TEX9: variants seen among roughly 807,000 people sequenced by gnomAD.
TEX9 encodes the protein testis expressed 9, also known as testis-expressed protein 9.
TEX9 carries 74 observed loss-of-function variants against 59.6 expected under a neutral mutation model. That is an observed-to-expected ratio of 1.24 (90% confidence interval 1.03 to 1.51). The LOEUF (loss-of-function observed/expected upper bound fraction) is 1.51. Among genes scored for constraint, TEX9 ranks in the 40% most tolerant of loss-of-function variants. The probability of loss-of-function intolerance (pLI) is 0.00; values close to 1 mark genes in which losing one functional copy is unlikely to be tolerated. For synonymous variants in TEX9, 186 were observed against 152.2 expected (o/e 1.22, Z -1.64); for missense variants, 522 against 447.8 (o/e 1.17, Z -1.49).
At chr15:56,267,347 C>G (rs2044411265) in intron 1 of TEX9, among the ~76,000 whole-genome samples, 2 of 152,162 alleles carry the variant, frequency 1.3e-5, no homozygotes, top group Non-Finnish European at 2.9e-5. Context: ...TCCCATTTGT[C>G]TATTTTGGAT....
exon 6 of TEX9, chr15:56,389,332 C>T: frequency 6.2e-7 from 1 of 1,610,804 alleles, no homozygotes; most frequent in South Asian, 1.1e-5. Flanking sequence ...AGACCAAAAA[C>T]ATTGATCCTG....
chr15:56,254,641 A>G (rs1395158522), intron 1 of TEX9, among the ~76,000 whole-genome samples: 2 of 151,910 alleles, frequency 1.3e-5, no homozygotes, highest in Non-Finnish European at 2.9e-5. Context: ...GAATAATCCA[A>G]TACAAGAATA....
At chr15:56,251,203 C>A (rs1375086317) in intron 1 of TEX9, among the ~76,000 whole-genome samples, 1 of 152,120 alleles carries the variant, frequency 6.6e-6, no homozygotes, top group African/African-American at 2.4e-5. Context: ...TGAAGTTATG[C>A]CAGTGTTATA....
intron 1 of TEX9, among the ~76,000 whole-genome samples, chr15:56,285,274 G>A (rs532714959): frequency 6.6e-6 from 1 of 152,144 alleles, no homozygotes; most frequent in South Asian, 2.1e-4. Context: ...ATAGAATTCC[G>A]GTTGGCAATT....
intron 1 of TEX9, among the ~76,000 whole-genome samples, chr15:56,312,404 C>A (rs1217224541): frequency 8.3e-5 from 12 of 144,360 alleles, no homozygotes; most frequent in Non-Finnish European, 1.5e-4. Context: ...AATAGGGAAT[C>A]CTTTCCCCAT....
intron 3 of TEX9, 100 bp downstream of exon 3, chr15:56,373,604 G>A (rs780290864): frequency 9.3e-5 from 85 of 912,664 alleles, no homozygotes; most frequent in Non-Finnish European, 1.2e-4. Context: ...GCCAAAGCAT[G>A]TGTGTTCAGT....
chr15:56,433,115 C>A (rs2050642197), intron 12 of TEX9, among the ~76,000 whole-genome samples: 1 of 152,024 alleles, frequency 6.6e-6, no homozygotes. Context: ...TTTGGGTGGA[C>A]AAAATAGAAT....
intron 1 of TEX9, among the ~76,000 whole-genome samples, chr15:56,340,143 T>C (rs372519012): frequency 1.5e-4 from 23 of 152,286 alleles, no homozygotes; most frequent in African/African-American, 4.3e-4. Context: ...TTTACAATCT[T>C]CCAAGGATGG....
chr15:56,288,510 C>T (rs1007814112), intron 1 of TEX9, among the ~76,000 whole-genome samples: 21 of 152,196 alleles, frequency 1.4e-4, no homozygotes, highest in African/African-American at 4.6e-4. Flanking sequence ...CTACCAGATA[C>T]AGGATTTTTG....
chr15:56,398,734 G>A (rs1359762066), intron 9 of TEX9, among the ~76,000 whole-genome samples: 1 of 152,190 alleles, frequency 6.6e-6, no homozygotes, highest in Non-Finnish European at 1.5e-5. Context: ...GCCAAAGGGT[G>A]ACATTGATTA....
intron 1 of TEX9, among the ~76,000 whole-genome samples, chr15:56,317,568 T>C (rs1487034341): frequency 6.6e-6 from 1 of 152,178 alleles, no homozygotes; most frequent in African/African-American, 2.4e-5. Flanking sequence ...TCCTTCTACT[T>C]GCTTTGAATT....
intron 9 of TEX9, among the ~76,000 whole-genome samples, chr15:56,400,821 G>A (rs1045751750): frequency 4.6e-5 from 7 of 152,178 alleles, no homozygotes; most frequent in Non-Finnish European, 1.0e-4. Flanking sequence ...AGAGAGTGGG[G>A]ACCGATATTC....
chr15:56,422,503 A>G (rs977685404), intron 10 of TEX9, among the ~76,000 whole-genome samples: 19 of 151,676 alleles, frequency 1.3e-4, no homozygotes, highest in African/African-American at 4.6e-4. Flanking sequence ...TTTGTTATAT[A>G]TATGTTTATC....
intron 1 of TEX9, among the ~76,000 whole-genome samples, chr15:56,347,341 A>G (rs974236707): frequency 1.3e-5 from 2 of 152,180 alleles, no homozygotes; most frequent in African/African-American, 2.4e-5. Context: ...TTATGTATAT[A>G]TAGTAATCAG....
the TEX9 span, among the ~76,000 whole-genome samples, chr15:56,458,195 G>C: frequency 3.9e-5 from 6 of 152,076 alleles, no homozygotes; most frequent in Non-Finnish European, 2.9e-5. Flanking sequence ...AATTCATATA[G>C]CATAAAATTC....
chr15:56,443,753 A>T, intron 12 of TEX9: 1 of 1,612,826 alleles, frequency 6.2e-7, no homozygotes, highest in Non-Finnish European at 8.5e-7. Context: ...TTCTTCTTCC[A>T]TCTCCTCACG....
chr15:56,431,200 T>C (rs1194982759), intron 12 of TEX9, among the ~76,000 whole-genome samples: 2 of 152,180 alleles, frequency 1.3e-5, no homozygotes, highest in African/African-American at 4.8e-5. Context: ...CCAATCATTT[T>C]AGATATACTG....
chr15:56,290,989 C>T (rs1431958062), intron 1 of TEX9, among the ~76,000 whole-genome samples: 2 of 152,078 alleles, frequency 1.3e-5, no homozygotes, highest in Admixed American at 6.5e-5. Context: ...TTTATGTTTC[C>T]CTTTATCACC....
intron 1 of TEX9, among the ~76,000 whole-genome samples, chr15:56,281,514 G>A (rs1000880716): frequency 1.3e-5 from 2 of 152,176 alleles, no homozygotes; most frequent in Admixed American, 6.5e-5. Context: ...GATGATCTGA[G>A]GTGGAAAAAT....
Sources: allele counts gnomAD v4.1 joint callset (sites outside exome capture counted in the v4.1 genomes callset), GRCh38; gene constraint gnomAD v4.1.1; transcripts MANE v1.5; gene names NCBI Gene and HGNC (gene_info 2026-07-23, HGNC 2026-07-21).